The following TMTC2 variants were observed in gnomAD, a reference collection of about 807,000 sequenced individuals.
The protein encoded by TMTC2 is protein O-mannosyl-transferase TMTC2.
In TMTC2, 43 loss-of-function variants were observed where a neutral mutation model predicts 82.4. The ratio of observed to expected loss-of-function variants is 0.52; its 90% CI spans 0.41 to 0.67. The LOEUF (loss-of-function observed/expected upper bound fraction) is 0.67, where lower values mean the gene tolerates loss of function less well. Ranked by LOEUF, TMTC2 falls within the 30% of genes least tolerant of loss-of-function variation. TMTC2 has a pLI of 0.00. For missense variants in TMTC2, 919 were observed against 1,012.4 expected, an observed-to-expected ratio of 0.91 and a Z score of 1.25; for synonymous variants, 408 against 381.9, an observed-to-expected ratio of 1.07 and a Z score of -0.80.
chr12:83,040,833 C>T (rs563934351), intron 9 of TMTC2, among the ~76,000 whole-genome samples: 2 of 151,968 alleles, frequency 1.3e-5, no homozygotes, highest in South Asian at 2.1e-4. Context: ...TACAGGTGCC[C>T]GCCACCACGC....
rs538079811 is a variant in TMTC2 at position 82,894,965 on chromosome 12, A to ATT, written c.655-831_655-830dup. 2.3e-4 allele frequency among the ~76,000 whole-genome samples: 28 copies of ATT among 122,404 alleles called. No individual in the cohort carries two copies. In the East Asian group the frequency reaches 2.7e-3, roughly 12 times the overall value. The allele number at this position is 122,404 out of a possible 152,430, so 80.3% of individuals were successfully genotyped here. On this transcript the variant is annotated intron_variant, in intron 2 of 11. Coordinates refer to ENST00000321196, the MANE Select transcript of TMTC2 (RefSeq NM_152588.3). ...CAGGTGCACACCACCATGCCTGGCAATTTTTTTTTTTTTTTTTTTTTTTAG... is the reference window on the plus strand; with the variant it reads ...CAGGTGCACACCACCATGCCTGGCAATTTTTTTTTTTTTTTTTTTTTTTTTAG...
chr12:82,920,120 T>C (rs1875297321), intron 3 of TMTC2, among the ~76,000 whole-genome samples: 1 of 151,604 alleles, frequency 6.6e-6, no homozygotes, highest in East Asian at 1.9e-4. Context: ...AAGAGCAGTG[T>C]ATGCCAAATT....
intron 11 of TMTC2, among the ~76,000 whole-genome samples, chr12:83,094,144 A>G (rs990047602): frequency 1.3e-5 from 2 of 152,230 alleles, no homozygotes; most frequent in African/African-American, 4.8e-5. Context: ...ACATAGAAGT[A>G]GATAATGCAG....
At chr12:82,735,954 C>T (rs1875100085) in intron 1 of TMTC2, among the ~76,000 whole-genome samples, 1 of 145,936 alleles carries the variant, frequency 6.9e-6, no homozygotes, top group Non-Finnish European at 1.5e-5. Context: ...GCCCAGGTGA[C>T]AGTGCGAGAC....
At chr12:82,986,296 T>C (rs979826441) in intron 8 of TMTC2, 3 of 432,632 alleles carry the variant, frequency 6.9e-6, no homozygotes, top group Non-Finnish European at 1.3e-5. Flanking sequence ...GATGTCTGTA[T>C]CTTACATCTT....
chr12:82,737,952 A>G (rs1875205127), intron 1 of TMTC2, among the ~76,000 whole-genome samples: 4 of 152,198 alleles, frequency 2.6e-5, no homozygotes, highest in Admixed American at 2.6e-4. Flanking sequence ...GGAATAATAA[A>G]TGTATGTTGG....
At chr12:82,761,242 C>T (rs1188241850) in intron 1 of TMTC2, among the ~76,000 whole-genome samples, 1 of 152,142 alleles carries the variant, frequency 6.6e-6, no homozygotes, top group African/African-American at 2.4e-5. Flanking sequence ...AACAAAGTAC[C>T]TTTTTCATTG....
At chr12:82,843,102 T>A (rs1341436720) in intron 1 of TMTC2, among the ~76,000 whole-genome samples, 1 of 149,758 alleles carries the variant, frequency 6.7e-6, no homozygotes, top group Admixed American at 6.6e-5. Flanking sequence ...TAGTCTCGAG[T>A]AGGACTCTTA....
chr12:82,823,294 T>C (rs991456674), intron 1 of TMTC2, among the ~76,000 whole-genome samples: 1 of 152,240 alleles, frequency 6.6e-6, no homozygotes, highest in Non-Finnish European at 1.5e-5. Context: ...GGTCATTCAG[T>C]ATTATATCTT....
At chr12:82,923,752 G>A (rs1875526318) in intron 3 of TMTC2, among the ~76,000 whole-genome samples, 1 of 152,118 alleles carries the variant, frequency 6.6e-6, no homozygotes, top group Non-Finnish European at 1.5e-5. Flanking sequence ...AATATTGATT[G>A]TATTTACATA....
At chr12:82,762,741 A>G (rs1876720963) in intron 1 of TMTC2, among the ~76,000 whole-genome samples, 2 of 152,224 alleles carry the variant, frequency 1.3e-5, no homozygotes, top group South Asian at 4.1e-4. Context: ...AAATTGAGTA[A>G]ATACTGTGAA....
At chr12:82,765,713 AC>A (rs1441478251) in intron 1 of TMTC2, among the ~76,000 whole-genome samples, 13 of 141,132 alleles carry the variant, frequency 9.2e-5, no homozygotes, top group African/African-American at 3.5e-4. Context: ...AAACAAACAA[AC>A]AAAAAAAAAC....
intron 1 of TMTC2, among the ~76,000 whole-genome samples, chr12:82,734,522 C>T (rs1874989451): frequency 6.6e-6 from 1 of 152,218 alleles, no homozygotes; most frequent in Non-Finnish European, 1.5e-5. Flanking sequence ...TCTCTGACAT[C>T]TCTTCTGCCA....
chr12:82,963,842 T>C (rs1878063898), intron 4 of TMTC2, among the ~76,000 whole-genome samples: 2 of 123,022 alleles, frequency 1.6e-5, no homozygotes, highest in South Asian at 2.7e-4. Context: ...TATATATATA[T>C]ATATATATGT....
chr12:82,818,771 G>T (rs1434232151), intron 1 of TMTC2, among the ~76,000 whole-genome samples: 2 of 152,028 alleles, frequency 1.3e-5, no homozygotes, highest in East Asian at 3.9e-4. Context: ...TTGACATGGG[G>T]CTTGTTCTGG....
intron 8 of TMTC2, among the ~76,000 whole-genome samples, chr12:83,015,923 A>G (rs942354584): frequency 1.3e-5 from 2 of 152,080 alleles, no homozygotes; most frequent in African/African-American, 4.8e-5. Context: ...ACCTAGTTTA[A>G]AGGTTTCTGT....
At chr12:82,929,187 C>T (rs771694403) in intron 3 of TMTC2, among the ~76,000 whole-genome samples, 15 of 151,776 alleles carry the variant, frequency 9.9e-5, no homozygotes, top group Non-Finnish European at 1.8e-4. Flanking sequence ...TCTGTGGGCT[C>T]AAGCGATCAT....
chr12:83,015,270 C>T (rs1474879418), intron 8 of TMTC2, among the ~76,000 whole-genome samples: 1 of 152,188 alleles, frequency 6.6e-6, no homozygotes, highest in Non-Finnish European at 1.5e-5. Context: ...CAACATATTT[C>T]TTCCAAAGCT....
At chr12:82,950,698 G>A (rs919366175) in intron 4 of TMTC2, among the ~76,000 whole-genome samples, 8 of 152,184 alleles carry the variant, frequency 5.3e-5, no homozygotes, top group African/African-American at 1.4e-4. Flanking sequence ...AAGCCTCTTT[G>A]TAATGAATAC....
Sources: gnomAD v4.1 joint callset for allele counts (sites outside exome capture counted in the v4.1 genomes callset) on GRCh38, gnomAD v4.1.1 for gene constraint, MANE v1.5 for transcripts, NCBI Gene and HGNC (gene_info 2026-07-23, HGNC 2026-07-21) for gene names.